GRID2: variants seen among roughly 807,000 people sequenced by gnomAD.
GRID2 encodes the protein glutamate ionotropic receptor delta type subunit 2.
Under a neutral mutation model 114.8 loss-of-function variants are expected in GRID2, and 33 were observed. The ratio of observed to expected loss-of-function variants is 0.29; its 90% CI spans 0.22 to 0.38. GRID2 has a LOEUF of 0.38. GRID2 is among the 10% of genes least tolerant of loss of function. The pLI is 1.00. For synonymous variants in GRID2, 505 were observed against 449.9 expected, an observed-to-expected ratio of 1.12 and a Z score of -1.55; for missense variants, 1,184 against 1,257.7, an observed-to-expected ratio of 0.94 and a Z score of 0.89.
intron 13 of GRID2, among the ~76,000 whole-genome samples, chr4:93,580,371 TG>T (rs1736855602): frequency 6.6e-6 from 1 of 152,234 alleles, no homozygotes; most frequent in Non-Finnish European, 1.5e-5. Flanking sequence ...GATACTGATG[TG>T]TTGATGCAAT....
At chr4:92,735,312 G>A (rs755731899) in intron 2 of GRID2, among the ~76,000 whole-genome samples, 2 of 152,002 alleles carry the variant, frequency 1.3e-5, no homozygotes, top group Non-Finnish European at 1.5e-5. Flanking sequence ...ATACATAGAA[G>A]CCTAAGATAA....
intron 2 of GRID2, among the ~76,000 whole-genome samples, chr4:93,001,426 AAATG>A (rs1328141545): frequency 6.6e-6 from 1 of 151,678 alleles, no homozygotes; most frequent in Non-Finnish European, 1.5e-5. Context: ...ATTAATATGT[AAATG>A]AATAATATGA....
At chr4:93,322,587 G>C (rs1308924830) in intron 8 of GRID2, among the ~76,000 whole-genome samples, 3 of 152,158 alleles carry the variant, frequency 2.0e-5, no homozygotes, top group African/African-American at 4.8e-5. Context: ...GGGTCAAATG[G>C]TAATTCTAGT....
intron 2 of GRID2, among the ~76,000 whole-genome samples, chr4:92,942,184 T>C (rs1238410000): frequency 6.6e-6 from 1 of 152,242 alleles, no homozygotes; most frequent in Admixed American, 6.5e-5. Context: ...AAGTCTCCCA[T>C]TATTATTGTG....
intron 3 of GRID2, among the ~76,000 whole-genome samples, chr4:93,103,840 G>GT (rs35621225): frequency 0.43 from 61,523 of 142,240 alleles, 13,054 homozygotes; most frequent in Admixed American, 0.56. Flanking sequence ...AAAATCCCTT[G>GT]TTTTTTTTTT....
At chr4:92,769,013 C>T (rs1451408720) in intron 2 of GRID2, among the ~76,000 whole-genome samples, 1 of 152,182 alleles carries the variant, frequency 6.6e-6, no homozygotes, top group Non-Finnish European at 1.5e-5. Context: ...TCATCATTAA[C>T]TCAGAAGTCC....
intron 13 of GRID2, among the ~76,000 whole-genome samples, chr4:93,549,794 A>G (rs889142480): frequency 1.3e-5 from 2 of 152,234 alleles, no homozygotes; most frequent in African/African-American, 4.8e-5. Flanking sequence ...TGTTGAAACT[A>G]CAGCAGAGTT....
At chr4:92,943,908 G>T (rs946084881) in intron 2 of GRID2, among the ~76,000 whole-genome samples, 12 of 152,196 alleles carry the variant, frequency 7.9e-5, no homozygotes, top group South Asian at 6.2e-4. Flanking sequence ...GGCTACTGGT[G>T]AACAGCAAAT....
intron 13 of GRID2, 117 bp downstream of exon 13, chr4:93,515,528 G>A (rs535217307): frequency 3.7e-5 from 25 of 668,614 alleles, no homozygotes; most frequent in East Asian, 2.5e-4. Context: ...TAATGCTGAC[G>A]GCAAATTTCC....
chr4:92,946,103 A>C (rs553276191), intron 2 of GRID2, among the ~76,000 whole-genome samples: 1 of 152,248 alleles, frequency 6.6e-6, no homozygotes, highest in African/African-American at 2.4e-5. Context: ...TTAAAAAATT[A>C]TATTTTCTAG....
chr4:93,661,611 T>G lies in GRID2; in HGVS notation c.2360+35176T>G, dbSNP rs184536338. Among the ~76,000 whole-genome samples the G allele has an allele frequency of 1.4e-4, 21 of 152,312 alleles. No individual in the cohort carries two copies. The East Asian group carries it at 3.9e-3, about 28-fold the overall frequency. On this transcript the variant is annotated intron_variant, in intron 14 of 15. Coordinates refer to ENST00000282020, the MANE Select transcript of GRID2 (RefSeq NM_001510.4). ...AACAGAAACATGCATAAAACAAGTTTACGGGTTAATCTGTTGATGAAAATG... is the reference window on the plus strand; with the variant it reads ...AACAGAAACATGCATAAAACAAGTTGACGGGTTAATCTGTTGATGAAAATG...
In GRID2 at chr4:93,530,933, A is replaced by G. The variant is rs528937727; in HGVS notation, c.2193+15522A>G. On this transcript the variant is annotated intron_variant, in intron 13 of 15. Transcript: ENST00000282020. ...ATATTTTCCTTATGTTCTGAGTAGTACAACTTATTCACTATCTTTAAAGGC... is the reference window on the plus strand; with the variant it reads ...ATATTTTCCTTATGTTCTGAGTAGTGCAACTTATTCACTATCTTTAAAGGC... Among the ~76,000 whole-genome samples, 5 of 152,278 alleles carry G rather than the reference A, an allele frequency of 3.3e-5. No individual in the cohort carries two copies. In the South Asian group the frequency reaches 8.3e-4, roughly 25 times the overall value.
intron 4 of GRID2, among the ~76,000 whole-genome samples, chr4:93,121,118 G>C (rs1733745602): frequency 6.6e-6 from 1 of 151,996 alleles, no homozygotes; most frequent in Admixed American, 6.6e-5. Flanking sequence ...GGTGCCCTGA[G>C]TACTCAAATT....
At chr4:92,929,547 A>C (rs1361513299) in intron 2 of GRID2, among the ~76,000 whole-genome samples, 1 of 151,376 alleles carries the variant, frequency 6.6e-6, no homozygotes, top group Non-Finnish European at 1.5e-5. Flanking sequence ...ACAGACTGAC[A>C]TAAGAGTTGG....
chr4:93,493,930 A>T (rs545874136), intron 12 of GRID2, among the ~76,000 whole-genome samples: 1 of 151,812 alleles, frequency 6.6e-6, no homozygotes, highest in Non-Finnish European at 1.5e-5. Flanking sequence ...TAATATTATC[A>T]CTGGACTAAT....
chr4:92,743,196 C>T (rs1033742802), intron 2 of GRID2, among the ~76,000 whole-genome samples: 5 of 152,138 alleles, frequency 3.3e-5, no homozygotes, highest in African/African-American at 1.2e-4. Flanking sequence ...AGGATCGCTT[C>T]AGCCCAGGAG....
intron 14 of GRID2, among the ~76,000 whole-genome samples, chr4:93,650,328 C>A (rs1222255041): frequency 6.6e-6 from 1 of 151,964 alleles, no homozygotes; most frequent in Admixed American, 6.6e-5. Flanking sequence ...AGATTATATC[C>A]TTTTTATATT....
At chr4:92,788,877 T>C (rs1277888537) in intron 2 of GRID2, among the ~76,000 whole-genome samples, 1 of 151,840 alleles carries the variant, frequency 6.6e-6, no homozygotes, top group East Asian at 1.9e-4. Flanking sequence ...CAATTATATG[T>C]TGCAAGTAAC....
intron 8 of GRID2, among the ~76,000 whole-genome samples, chr4:93,314,402 C>T (rs1756364377): frequency 1.3e-5 from 2 of 151,764 alleles, no homozygotes; most frequent in South Asian, 4.2e-4. Flanking sequence ...GTACTCTCTG[C>T]TCCCTTTCAC....
Sources: allele counts gnomAD v4.1 joint callset (sites outside exome capture counted in the v4.1 genomes callset), GRCh38; gene constraint gnomAD v4.1.1; transcripts MANE v1.5; gene names NCBI Gene and HGNC (gene_info 2026-07-23, HGNC 2026-07-21).